Variants in SGCZ observed in about 807,000 individuals in gnomAD.
SGCZ encodes the protein sarcoglycan zeta.
In SGCZ, 40 loss-of-function variants were observed where a neutral mutation model predicts 41.3. The observed-to-expected ratio is 0.97, with a 90% CI of 0.75 to 1.26. SGCZ has a LOEUF of 1.26. Among genes scored for constraint, SGCZ ranks in the 50% most tolerant of loss-of-function variants. The probability of loss-of-function intolerance (pLI) is 0.00; values close to 1 mark genes in which losing one functional copy is unlikely to be tolerated. For missense variants in SGCZ, 552 were observed against 369.8 expected (o/e 1.49, Z -4.04); for synonymous variants, 206 against 137.5 (o/e 1.50, Z -3.49).
intron 2 of SGCZ, among the ~76,000 whole-genome samples, chr8:14,388,595 A>C (rs1424748554): frequency 6.6e-6 from 1 of 152,104 alleles, no homozygotes; most frequent in Non-Finnish European, 1.5e-5. Context: ...CTTCAACCTG[A>C]AAAATAAATG....
intron 5 of SGCZ, among the ~76,000 whole-genome samples, chr8:14,110,680 A>G (rs1451630728): frequency 6.6e-6 from 1 of 152,162 alleles, no homozygotes; most frequent in African/African-American, 2.4e-5. Flanking sequence ...TTAATAAGCA[A>G]CACAGATAAT....
chr8:15,060,670 TA>T (rs34503809), intron 1 of SGCZ, among the ~76,000 whole-genome samples: 38,948 of 143,854 alleles, frequency 0.27, 5,673 homozygotes, highest in African/African-American at 0.4. Context: ...CTTAAAGTAT[TA>T]AAAAAAAAAA....
chr8:14,775,210 T>G (rs760121436), intron 1 of SGCZ, among the ~76,000 whole-genome samples: 16 of 152,154 alleles, frequency 1.1e-4, no homozygotes, highest in Non-Finnish European at 1.8e-4. Context: ...TAATACAAAT[T>G]CTGATTGAGT....
chr8:14,407,579 C>A (rs1248628943), intron 2 of SGCZ, among the ~76,000 whole-genome samples: 1 of 152,010 alleles, frequency 6.6e-6, no homozygotes, highest in Non-Finnish European at 1.5e-5. Flanking sequence ...GGCATTCCAC[C>A]ACTATATTAC....
rs577635005 is a variant in SGCZ, at chr8:14,240,090, G to A, written c.337-2411C>T. ...ACCTGCAATCTCGGCAGTTTGGAAG[G>A]CTGAGGTGGGAGGATCACCTGAGGC... On this transcript the variant is annotated intron_variant, in intron 3 of 7. Transcript: ENST00000382080. Among the ~76,000 whole-genome samples the A allele has an allele frequency of 5.3e-5, 8 of 151,936 alleles. No homozygotes were observed. The South Asian group carries it at 1.5e-3, about 28-fold the overall frequency.
intron 2 of SGCZ, among the ~76,000 whole-genome samples, chr8:14,542,877 C>A (rs557344428): frequency 6.6e-6 from 1 of 152,082 alleles, no homozygotes; most frequent in East Asian, 1.9e-4. Context: ...ATCAAAGTAT[C>A]CAATGAGTTA....
At chr8:14,931,490 T>A (rs1277662770) in intron 1 of SGCZ, among the ~76,000 whole-genome samples, 2 of 152,030 alleles carry the variant, frequency 1.3e-5, no homozygotes, top group Non-Finnish European at 2.9e-5. Context: ...CTCTCATTAG[T>A]GCCACTGATA....
At chr8:14,217,328 T>C (rs1278345643) in intron 4 of SGCZ, among the ~76,000 whole-genome samples, 1 of 139,100 alleles carries the variant, frequency 7.2e-6, no homozygotes, top group Non-Finnish European at 1.5e-5. Context: ...GCTCTATAGA[T>C]ACACACACAC....
chr8:14,100,926 T>G (rs920741357), intron 7 of SGCZ, among the ~76,000 whole-genome samples: 4 of 151,774 alleles, frequency 2.6e-5, no homozygotes, highest in Non-Finnish European at 4.4e-5. Flanking sequence ...AAACGATAAA[T>G]AACACAAGAA....
At chr8:14,227,507 A>G (rs1365653270) in intron 4 of SGCZ, among the ~76,000 whole-genome samples, 1 of 152,114 alleles carries the variant, frequency 6.6e-6, no homozygotes, top group African/African-American at 2.4e-5. Context: ...GGGATCATAT[A>G]GTATTAAAAA....
chr8:15,075,579 G>T (rs1276718695), intron 1 of SGCZ, among the ~76,000 whole-genome samples: 5 of 152,164 alleles, frequency 3.3e-5, no homozygotes, highest in Non-Finnish European at 7.4e-5. Context: ...ACCAAAGGCA[G>T]AAAACTGGTT....
chr8:15,130,431 C>T (rs1807856403), intron 1 of SGCZ, among the ~76,000 whole-genome samples: 1 of 152,172 alleles, frequency 6.6e-6, no homozygotes, highest in Non-Finnish European at 1.5e-5. Context: ...TTAATAAACA[C>T]ACGATTACCA....
At chr8:15,175,099 G>T (rs1274516757) in intron 1 of SGCZ, among the ~76,000 whole-genome samples, 1 of 151,688 alleles carries the variant, frequency 6.6e-6, no homozygotes, top group East Asian at 2.0e-4. Flanking sequence ...GTGTATCCCA[G>T]AACTTAAAGT....
chr8:14,725,946 T>C (rs1459074040), intron 1 of SGCZ, among the ~76,000 whole-genome samples: 1 of 152,174 alleles, frequency 6.6e-6, no homozygotes, highest in Non-Finnish European at 1.5e-5. Flanking sequence ...TGCTTTTTTT[T>C]CACTTATTAA....
chr8:14,700,323 G>T (rs1468892040), intron 1 of SGCZ, among the ~76,000 whole-genome samples: 1 of 151,980 alleles, frequency 6.6e-6, no homozygotes, highest in Admixed American at 6.6e-5. Context: ...GATGCAGCTA[G>T]AGGCCATTAT....
intron 1 of SGCZ, among the ~76,000 whole-genome samples, chr8:15,022,478 G>A (rs1803290326): frequency 6.6e-6 from 1 of 151,982 alleles, no homozygotes; most frequent in Non-Finnish European, 1.5e-5. Context: ...AGAGTAGCTG[G>A]GACTACAGGC....
chr8:14,497,100 G>C (rs959406809), intron 2 of SGCZ, among the ~76,000 whole-genome samples: 4 of 152,228 alleles, frequency 2.6e-5, no homozygotes, highest in Middle Eastern at 3.4e-3. Flanking sequence ...GACATCTTTT[G>C]GTTACGCGTC....
intron 1 of SGCZ, among the ~76,000 whole-genome samples, chr8:14,781,090 A>G (rs1298005129): frequency 6.6e-6 from 1 of 152,212 alleles, no homozygotes; most frequent in Non-Finnish European, 1.5e-5. Context: ...TGCAGTCAGC[A>G]TTCTGACTCA....
chr8:15,152,732 C>G (rs1057138367), intron 1 of SGCZ, among the ~76,000 whole-genome samples: 1 of 152,216 alleles, frequency 6.6e-6, no homozygotes, highest in Non-Finnish European at 1.5e-5. Flanking sequence ...GAGTACGTAT[C>G]TTATTCACAA....
Sources: allele counts gnomAD v4.1 joint callset (sites outside exome capture counted in the v4.1 genomes callset), GRCh38; gene constraint gnomAD v4.1.1; transcripts MANE v1.5; gene names NCBI Gene and HGNC (gene_info 2026-07-23, HGNC 2026-07-21).